The following BRD10 variants were observed in gnomAD, a reference collection of about 807,000 sequenced individuals.
BRD10 encodes uncharacterized bromodomain-containing protein 10.
chr9:5,933,440 A>G, the BRD10 span, among the ~76,000 whole-genome samples: 1 of 152,206 alleles, frequency 6.6e-6, no homozygotes, highest in Non-Finnish European at 1.5e-5. Flanking sequence ...TTTGAAGCTT[A>G]CCTTTCATGC....
chr9:5,879,979 G>A, the BRD10 span, among the ~76,000 whole-genome samples: 1 of 152,140 alleles, frequency 6.6e-6, no homozygotes, highest in Non-Finnish European at 1.5e-5. Context: ...GAGTGCAGTG[G>A]TATGATCTCA....
At chr9:5,892,404 G>C in the BRD10 span, 1 of 1,373,174 alleles carries the variant, frequency 7.3e-7, no homozygotes. Flanking sequence ...TGATGAATAG[G>C]GTGGCTTTGG....
chr9:6,007,265 C>G, the BRD10 span: 13 of 1,613,928 alleles, frequency 8.1e-6, no homozygotes, highest in Non-Finnish European at 1.1e-5. Flanking sequence ...ATCCAGTGGT[C>G]CACTCCGTGC....
the BRD10 span, among the ~76,000 whole-genome samples, chr9:5,895,079 C>T: frequency 2.0e-5 from 3 of 152,150 alleles, no homozygotes; most frequent in Non-Finnish European, 2.9e-5. Context: ...CCACTCAACC[C>T]GTATGCGTGG....
At chr9:6,007,344 G>A in the BRD10 span, 2 of 1,613,424 alleles carry the variant, frequency 1.2e-6, no homozygotes, top group Non-Finnish European at 1.7e-6. Flanking sequence ...CGTACTGGCC[G>A]CTGGCGAACT....
chr9:5,977,456 T>C, the BRD10 span, among the ~76,000 whole-genome samples: 1 of 152,188 alleles, frequency 6.6e-6, no homozygotes, highest in Admixed American at 6.5e-5. Flanking sequence ...AAATAGGGAA[T>C]GGGAGCCTGC....
the BRD10 span, among the ~76,000 whole-genome samples, chr9:5,950,058 TAACAATAC>T: frequency 6.6e-6 from 1 of 152,198 alleles, no homozygotes; most frequent in African/African-American, 2.4e-5. Flanking sequence ...TAATGCATCA[TAACAATAC>T]AACAGGGATA....
At chr9:5,996,555 T>C in the BRD10 span, among the ~76,000 whole-genome samples, 3 of 152,134 alleles carry the variant, frequency 2.0e-5, no homozygotes, top group African/African-American at 7.2e-5. Flanking sequence ...GGTCTCAAAC[T>C]CCCGACCTCA....
the BRD10 span, chr9:5,906,806 A>G: frequency 1.2e-6 from 1 of 866,766 alleles, no homozygotes. Flanking sequence ...CATTCTTAAA[A>G]CTTTGGCTTC....
chr9:5,894,005 T>C, the BRD10 span, among the ~76,000 whole-genome samples: 2 of 150,416 alleles, frequency 1.3e-5, no homozygotes, highest in African/African-American at 2.4e-5. This position sits in a 1 kb window ranked among gnomAD's most constrained non-coding sequence, Gnocchi z 4.0. Flanking sequence ...TGGCCAGACA[T>C]GGTGGCGCTG....
the BRD10 span, among the ~76,000 whole-genome samples, chr9:5,934,135 G>A: frequency 1.3e-5 from 2 of 150,182 alleles, no homozygotes; most frequent in African/African-American, 2.5e-5. Context: ...TTTTAAAATG[G>A]AGATGGTATT....
chr9:5,968,301 C>G, the BRD10 span: 8 of 1,611,362 alleles, frequency 5.0e-6, no homozygotes, highest in East Asian at 1.8e-4. Flanking sequence ...CTTCCATTTA[C>G]ATGTATTTGG....
chr9:5,922,864 T>C, the BRD10 span: 1 of 1,614,012 alleles, frequency 6.2e-7, no homozygotes, highest in Non-Finnish European at 8.5e-7. Context: ...TCGGGCTTGC[T>C]TCCGGAGGAG....
the BRD10 span, chr9:5,921,868 G>C: frequency 6.2e-7 from 1 of 1,613,990 alleles, no homozygotes; most frequent in Non-Finnish European, 8.5e-7. Flanking sequence ...CACTGCCAGT[G>C]GTGTGGCCTA....
the BRD10 span, among the ~76,000 whole-genome samples, chr9:5,956,797 T>C: frequency 6.6e-6 from 1 of 152,166 alleles, no homozygotes; most frequent in Non-Finnish European, 1.5e-5. Flanking sequence ...CTTAGAGTAC[T>C]GTAATTGTCT....
the BRD10 span, among the ~76,000 whole-genome samples, chr9:5,992,000 C>T: frequency 2.0e-5 from 3 of 152,168 alleles, no homozygotes; most frequent in Non-Finnish European, 4.4e-5. Flanking sequence ...ACTCTTCCTC[C>T]AGATACTCAT....
At chr9:5,919,803 C>T in the BRD10 span, 3 of 1,613,770 alleles carry the variant, frequency 1.9e-6, no homozygotes, top group East Asian at 2.2e-5. Flanking sequence ...AGTGAAGAAA[C>T]CTTAGATGCT....
chr9:5,992,478 G>C, the BRD10 span, among the ~76,000 whole-genome samples: 1 of 152,086 alleles, frequency 6.6e-6, no homozygotes, highest in Non-Finnish European at 1.5e-5. Context: ...CTTTCAAATA[G>C]GGTTGTCAAA....
chr9:5,958,344 T>C, the BRD10 span, among the ~76,000 whole-genome samples: 1,280 of 152,308 alleles, frequency 8.4e-3, 15 homozygotes, highest in African/African-American at 0.029. Flanking sequence ...GCATATTTCT[T>C]TACATAAGAA....
Sources: gnomAD v4.1 joint callset for allele counts (sites outside exome capture counted in the v4.1 genomes callset) on GRCh38, gnomAD v4.1.1 for gene constraint, Gnocchi (gnomAD v3.1) non-coding constraint, MANE v1.5 for transcripts, NCBI Gene and HGNC (gene_info 2026-07-23, HGNC 2026-07-21) for gene names.